FADS2: variants seen among roughly 807,000 people sequenced by gnomAD.
FADS2 encodes the protein fatty acid desaturase 2.
A neutral mutation model predicts 61.2 loss-of-function variants in FADS2; 18 were observed. The ratio of observed to expected loss-of-function variants is 0.29; its 90% confidence interval spans 0.20 to 0.44. The LOEUF is 0.44. Among genes scored for constraint, FADS2 ranks in the 20% least tolerant of loss-of-function variants. The pLI, the probability that FADS2 is intolerant of heterozygous loss-of-function variation, is 1.00. For synonymous variants in FADS2, 203 were observed against 223.9 expected (o/e 0.91, Z 0.83); for missense variants, 322 against 572.7 (o/e 0.56, Z 4.47).
Position 61,865,708 on chromosome 11 carries a change from A to T in FADS2, c.*19A>T. ...CAAATGAAGCCACAGCCCCCGGGAC[A>T]CCGTGGGGAAGGGGTGCAGGTGGGG... is the stretch of plus-strand genomic sequence containing the variant. On this transcript the variant is annotated 3_prime_UTR_variant, in exon 12 of 12. Transcript: ENST00000278840. The surrounding 1 kb of genome is among the most constrained non-coding windows in gnomAD (Gnocchi z 4.1). 1 of 1,603,608 alleles carries T rather than the reference A, an allele frequency of 6.2e-7. No individual in the cohort carries two copies. The highest frequency in any genetic ancestry group is 1.3e-5 in the African/African-American group (1 of 74,844).
At chr11:61,855,347 G>A (rs1282307525) in intron 5 of FADS2, 1 of 152,300 alleles carries the variant, frequency 6.6e-6, no homozygotes, top group African/African-American at 2.4e-5. Flanking sequence ...CTTAGAGCAG[G>A]ACTCAGGGGC....
chr11:61,861,203 A>C (rs1184511084), intron 7 of FADS2, among the ~76,000 whole-genome samples: 1 of 150,960 alleles, frequency 6.6e-6, no homozygotes. Flanking sequence ...AAATACAAAA[A>C]ATTATCCGGG....
upstream of FADS2, chr11:61,816,252 G>A: frequency 2.5e-6 from 4 of 1,597,328 alleles, 1 homozygote; most frequent in South Asian, 3.3e-5. The surrounding 1 kb of genome is among the most constrained non-coding windows in gnomAD (Gnocchi z 7.0). Flanking sequence ...TTCTGTCCCC[G>A]CCCAGAGACC....
chr11:61,857,126 G>T, intron 6 of FADS2, 55 bp downstream of exon 6: 1 of 1,426,144 alleles, frequency 7.0e-7, no homozygotes, highest in Non-Finnish European at 9.9e-7. Flanking sequence ...CCCCAGAGTG[G>T]CGTGTCTCTC....
chr11:61,843,411 CAG>C (rs2135963761), intron 4 of FADS2, among the ~76,000 whole-genome samples: 1 of 152,306 alleles, frequency 6.6e-6, no homozygotes, highest in South Asian at 2.1e-4. Flanking sequence ...GCATGGGTGA[CAG>C]AGTGAGACAC....
At chr11:61,825,575 ACCACTGCACT>A (rs1357643418), upstream of FADS2, among the ~76,000 whole-genome samples, 3 of 150,010 alleles carry the variant, frequency 2.0e-5, no homozygotes, top group Admixed American at 2.0e-4. Flanking sequence ...CTGAGATCGC[ACCACTGCACT>A]CCAGCCTGGG....
chr11:61,863,079 C>G lies in FADS2; in HGVS notation c.980+10C>G. On this transcript the variant is annotated intron_variant, in intron 8 of 11. Coordinates refer to ENST00000278840, the MANE Select transcript of FADS2 (RefSeq NM_004265.4). ...TCCTCAACTTCATCAGGTGCCTGGG[C>G]TTTGCTGATTCATCCCTGGGCCCTC... 2 of 1,609,502 alleles carry G rather than the reference C, an allele frequency of 1.2e-6. No individual in the cohort carries two copies. The highest frequency in any genetic ancestry group is 8.5e-7 in the Non-Finnish European group (1 of 1,175,730).
chr11:61,826,260 C>A (rs1257803693), upstream of FADS2: 1 of 702,340 alleles, frequency 1.4e-6, no homozygotes, highest in African/African-American at 1.7e-5. Flanking sequence ...GTGTCTTCAA[C>A]ACATGTTTTT....
In FADS2 at chr11:61,816,839, T is replaced by G. The variant is rs976308184; in HGVS notation, c.141+413T>G. The stretch of plus-strand genomic sequence containing the variant: ...GGGGTCCGCGGGCTCCAGGAGTGGA[T>G]TTGCTGGCGCGCGCCCAGAGCCAGC... On this transcript the variant is annotated intron_variant, in intron 1 of 11. Coordinates refer to the FADS2 transcript ENST00000257261. This position sits in a 1 kb window ranked among gnomAD's most constrained non-coding sequence, Gnocchi z 7.0. 15 of 1,488,576 alleles carry G rather than the reference T, an allele frequency of 1.0e-5. No individual in the cohort carries two copies. Among genetic ancestry groups the G allele is most frequent in the Non-Finnish European group, 1.2e-5 (13 of 1,129,458 alleles). 92.2% of individuals were successfully genotyped at this position (1,488,576 alleles called of 1,614,324 possible).
At position 61,840,780 on chromosome 11, in the gene FADS2, G is replaced by A. The variant is rs371318675; in HGVS notation, c.618+55G>A. 20 of 1,336,846 alleles carry A rather than the reference G, an allele frequency of 1.5e-5. No homozygotes were observed. In the East Asian group the frequency reaches 2.3e-4, roughly 15 times the overall value. 82.8% of individuals were successfully genotyped at this position (1,336,846 alleles called of 1,614,324 possible). On this transcript the variant is annotated intron_variant, in intron 4 of 11. Coordinates refer to ENST00000278840, the MANE Select transcript of FADS2 (RefSeq NM_004265.4). ...CTGTTGGACAGCAGTTGAGACAGAG[G>A]GACCAGGATTCCTCTCTGCTCAGTG...
intron 1 of FADS2, among the ~76,000 whole-genome samples, chr11:61,822,248 C>T (rs1411223500): frequency 2.6e-5 from 4 of 152,210 alleles, no homozygotes; most frequent in African/African-American, 4.8e-5. Flanking sequence ...GGATTACAGG[C>T]GTGAGCCACC....
At position 61,865,502 on chromosome 11, in the gene FADS2, C is replaced by G; in HGVS notation, c.1284-136C>G. ...GGCTCTGAGCTGACAGCCCCACAGG[C>G]CCAGTGGCAGTGGTAAGCCCTGGTT... On this transcript the variant is annotated intron_variant, in intron 11 of 11. Transcript: ENST00000278840. This position sits in a 1 kb window ranked among gnomAD's most constrained non-coding sequence, Gnocchi z 4.1. The G allele has an allele frequency of 1.0e-6, 1 of 956,420 alleles. No individual in the cohort carries two copies. The highest frequency in any genetic ancestry group is 1.6e-5 in the South Asian group (1 of 63,688). 59.2% of individuals were successfully genotyped at this position (956,420 alleles called of 1,614,324 possible).
intron 1 of FADS2, chr11:61,821,401 A>G: frequency 2.8e-6 from 2 of 702,238 alleles, no homozygotes; most frequent in Non-Finnish European, 5.2e-6. Context: ...AAAAGACCTT[A>G]ATGCCGATTG....
chr11:61,826,091 T>C, upstream of FADS2: 1 of 702,608 alleles, frequency 1.4e-6, no homozygotes, highest in Non-Finnish European at 2.6e-6. Flanking sequence ...ACACCATGGA[T>C]CTGATCACAG....
At chr11:61,824,502 GGAAAGAAAGAAAGAAAGAAAGAA>G (rs200176515), upstream of FADS2, among the ~76,000 whole-genome samples, 34 of 21,686 alleles carry the variant, frequency 1.6e-3, 1 homozygote, top group Middle Eastern at 0.026. Flanking sequence ...AAGAAAGAAA[GGAAAGAAAGAAAGAAAGAAAGAA>G]AGAAAAATCA....
intron 1 of FADS2, among the ~76,000 whole-genome samples, chr11:61,830,406 C>A (rs946685851): frequency 6.6e-6 from 1 of 152,202 alleles, no homozygotes; most frequent in African/African-American, 2.4e-5. Context: ...TGATTTATTT[C>A]TTCCTTGTTC....
chr11:61,816,430 T>A lies in FADS2; in HGVS notation c.141+4T>A. On this transcript the variant is annotated splice_donor_region_variant and intron_variant, in intron 1 of 11. Transcript: ENST00000257261. The surrounding 1 kb of genome is among the most constrained non-coding windows in gnomAD (Gnocchi z 7.0). ...ACACCCAATCACCGGGCAACAGGTA[T>A]GATCAGGCGCCTCCGGGCTTTCCTC... 6.3e-7 allele frequency: 1 copy of A among 1,598,998 alleles called. No individual in the cohort carries two copies. Among genetic ancestry groups the A allele is most frequent in the Non-Finnish European group, 8.5e-7 (1 of 1,179,806 alleles).
At chr11:61,823,387 C>T (rs772985520), upstream of FADS2, among the ~76,000 whole-genome samples, 4 of 152,240 alleles carry the variant, frequency 2.6e-5, no homozygotes, top group Non-Finnish European at 5.9e-5. Flanking sequence ...CTATGGGTTT[C>T]GGATCCCTTA....
Position 61,816,933 on chromosome 11 carries a change from CCGAGCCTCGTGG to C in FADS2, c.141+510_141+521del. ...GCCTCGCAGCGCGCGTTCCCATTGG[CCGAGCCTCGTGG>C]CGCGGGGAGCGAGATCCCGTCCCCC... On this transcript the variant is annotated intron_variant, in intron 1 of 11. Transcript: ENST00000257261. The surrounding 1 kb of genome is among the most constrained non-coding windows in gnomAD (Gnocchi z 7.0). 1 of 1,384,224 alleles carries C rather than the reference CCGAGCCTCGTGG, an allele frequency of 7.2e-7. No individual in the cohort carries two copies. Among genetic ancestry groups the C allele is most frequent in the African/African-American group, 1.5e-5 (1 of 65,462 alleles). 85.7% of individuals were successfully genotyped at this position (1,384,224 alleles called of 1,614,324 possible).
Sources: allele counts gnomAD v4.1 joint callset (sites outside exome capture counted in the v4.1 genomes callset), GRCh38; gene constraint gnomAD v4.1.1; non-coding constraint Gnocchi (gnomAD v3.1); transcripts MANE v1.5; gene names NCBI Gene and HGNC (gene_info 2026-07-23, HGNC 2026-07-21).